The following BTBD9 variants were observed in gnomAD, a reference collection of about 807,000 sequenced individuals.
BTBD9 encodes BTB domain containing 9, also known as BTB/POZ domain-containing protein 9.
A neutral mutation model predicts 64.3 loss-of-function variants in BTBD9; 49 were observed. The ratio of observed to expected loss-of-function variants is 0.76; its 90% CI spans 0.61 to 0.97. The LOEUF (loss-of-function observed/expected upper bound fraction) is 0.97, where lower values mean the gene tolerates loss of function less well. Ranked by LOEUF, BTBD9 falls within the 50% of genes least tolerant of loss-of-function variation. BTBD9 has a pLI of 0.00. For synonymous variants in BTBD9, 260 were observed against 274.7 expected (o/e 0.95, Z 0.53); for missense variants, 598 against 762.1 (o/e 0.78, Z 2.53).
At chr6:38,493,198 A>C (rs528474212) in intron 6 of BTBD9, among the ~76,000 whole-genome samples, 1 of 152,340 alleles carries the variant, frequency 6.6e-6, no homozygotes, top group Non-Finnish European at 1.5e-5. Flanking sequence ...ATGAGAAAGA[A>C]TTATTTATGC....
intron 7 of BTBD9, among the ~76,000 whole-genome samples, chr6:38,299,187 C>A (rs974786429): frequency 6.6e-6 from 1 of 152,184 alleles, no homozygotes; most frequent in Non-Finnish European, 1.5e-5. Context: ...GACATGAACT[C>A]ATCATTTTTT....
At chr6:38,244,746 T>C (rs1245213365) in intron 9 of BTBD9, among the ~76,000 whole-genome samples, 2 of 152,112 alleles carry the variant, frequency 1.3e-5, no homozygotes, top group Non-Finnish European at 2.9e-5. Context: ...GGGGCAATGA[T>C]AGATGTAAAA....
intron 6 of BTBD9, among the ~76,000 whole-genome samples, chr6:38,404,986 C>A (rs1767100268): frequency 6.6e-6 from 1 of 152,200 alleles, no homozygotes; most frequent in African/African-American, 2.4e-5. Context: ...ATCACTGAGG[C>A]TTTCAGTGCT....
intron 7 of BTBD9, among the ~76,000 whole-genome samples, chr6:38,297,717 T>A (rs1350780970): frequency 2.0e-5 from 3 of 152,222 alleles, no homozygotes; most frequent in Admixed American, 2.0e-4. Context: ...GTATTTTAAC[T>A]GGCAGATTTA....
At chr6:38,297,363 TGAA>T (rs1412736188) in intron 7 of BTBD9, among the ~76,000 whole-genome samples, 1 of 151,792 alleles carries the variant, frequency 6.6e-6, no homozygotes, top group Non-Finnish European at 1.5e-5. Flanking sequence ...GAGACTGACT[TGAA>T]GAAAAAAAAA....
chr6:38,612,639 A>C (rs1490825662), intron 1 of BTBD9, among the ~76,000 whole-genome samples: 1 of 152,238 alleles, frequency 6.6e-6, no homozygotes, highest in Non-Finnish European at 1.5e-5. Context: ...ATGGAAATCC[A>C]TGATGAGTAA....
intron 6 of BTBD9, among the ~76,000 whole-genome samples, chr6:38,375,939 G>GAAAGAAAGAAAGAAAGAA (rs1341900940): frequency 2.9e-5 from 2 of 68,760 alleles, no homozygotes; most frequent in African/African-American, 1.7e-4. Context: ...AAGAAAGAAA[G>GAAAGAAAGAAAGAAAGAA]AAGGAAAGAA....
intron 6 of BTBD9, among the ~76,000 whole-genome samples, chr6:38,476,737 CCAGTTATTATAACACATGA>C (rs1770899850): frequency 2.0e-5 from 3 of 152,154 alleles, no homozygotes. Flanking sequence ...AAGTGTCAAA[CCAGTTATTATAACACATGA>C]CAGCTTCAGA....
intron 1 of BTBD9, among the ~76,000 whole-genome samples, chr6:38,622,510 C>T (rs1778021706): frequency 6.6e-6 from 1 of 152,152 alleles, no homozygotes; most frequent in South Asian, 2.1e-4. Flanking sequence ...CTTCACTGCA[C>T]CTGGAGGCCA....
intron 10 of BTBD9, 145 bp downstream of exon 10, chr6:38,192,374 G>T: frequency 1.5e-6 from 1 of 683,008 alleles, no homozygotes; most frequent in Non-Finnish European, 2.6e-6. Flanking sequence ...ACCCCACTGT[G>T]CAACTGCAGG....
Position 38,292,307 on chromosome 6 carries a change from G to C in BTBD9, c.1265-3846C>G, listed in dbSNP as rs529325312. 5.3e-5 allele frequency among the ~76,000 whole-genome samples: 8 copies of C among 152,226 alleles called. No homozygotes were observed. The South Asian group carries it at 1.5e-3, about 28-fold the overall frequency. On this transcript the variant is annotated intron_variant, in intron 7 of 10. Transcript: ENST00000481247. ...GTTGTTGTGTCTCTGCCAGGTTTTG[G>C]TATCAGGATGATGCTGGCCTCATAA...
At chr6:38,372,064 T>G (rs1765449677) in intron 6 of BTBD9, among the ~76,000 whole-genome samples, 1 of 152,020 alleles carries the variant, frequency 6.6e-6, no homozygotes, top group African/African-American at 2.4e-5. Context: ...CTCCCACCAC[T>G]CCTCCCAGGT....
intron 6 of BTBD9, among the ~76,000 whole-genome samples, chr6:38,442,848 T>C (rs1769100862): frequency 6.6e-6 from 1 of 151,928 alleles, no homozygotes. Flanking sequence ...TTTGTATTTT[T>C]AGTAGATAGG....
At chr6:38,594,420 A>C in intron 2 of BTBD9, 93 bp from the exon 3 acceptor site, 5 of 1,399,236 alleles carry the variant, frequency 3.6e-6, no homozygotes, top group Non-Finnish European at 4.7e-6. Flanking sequence ...ATGCAAATAT[A>C]AATTTTTTTA....
At chr6:38,472,318 T>G (rs1475159014) in intron 6 of BTBD9, among the ~76,000 whole-genome samples, 1 of 152,192 alleles carries the variant, frequency 6.6e-6, no homozygotes, top group Non-Finnish European at 1.5e-5. Flanking sequence ...AGTAACAAAC[T>G]TCTACTGTAA....
intron 9 of BTBD9, among the ~76,000 whole-genome samples, chr6:38,228,318 C>A (rs1328349295): frequency 7.3e-6 from 1 of 136,970 alleles, no homozygotes; most frequent in East Asian, 2.1e-4. Context: ...CTGCACTCAG[C>A]CTGGTGACAG....
intron 7 of BTBD9, among the ~76,000 whole-genome samples, chr6:38,344,097 G>A (rs995547465): frequency 2.6e-5 from 4 of 152,150 alleles, no homozygotes; most frequent in African/African-American, 9.7e-5. Flanking sequence ...CGGAACATAT[G>A]AAGTCCCTTC....
intron 9 of BTBD9, among the ~76,000 whole-genome samples, chr6:38,221,578 C>G (rs1323078568): frequency 6.6e-6 from 1 of 152,156 alleles, no homozygotes; most frequent in African/African-American, 2.4e-5. Flanking sequence ...CAGGGGAAAC[C>G]CAGCTAGACT....
chr6:38,448,506 C>G (rs1004908295), intron 6 of BTBD9, among the ~76,000 whole-genome samples: 4 of 152,116 alleles, frequency 2.6e-5, no homozygotes, highest in African/African-American at 9.7e-5. Context: ...TCTTTTTTTG[C>G]TTGCATATCA....
Sources: gnomAD v4.1 joint callset for allele counts (sites outside exome capture counted in the v4.1 genomes callset) on GRCh38, gnomAD v4.1.1 for gene constraint, MANE v1.5 for transcripts, NCBI Gene and HGNC (gene_info 2026-07-23, HGNC 2026-07-21) for gene names.